The following ACBD6 variants were observed in gnomAD, a reference collection of about 807,000 sequenced individuals.
ACBD6 encodes the protein acyl-CoA-binding domain-containing protein 6.
In ACBD6, 28 loss-of-function variants were observed where a neutral mutation model predicts 37.2. That is an observed-to-expected ratio of 0.75 (90% CI 0.56 to 1.03). The LOEUF (loss-of-function observed/expected upper bound fraction) is 1.03. ACBD6 is among the 50% of genes least tolerant of loss of function. The pLI, the probability that ACBD6 is intolerant of heterozygous loss-of-function variation, is 0.00. For synonymous variants in ACBD6, 113 were observed against 126.8 expected, an observed-to-expected ratio of 0.89 and a Z score of 0.73; for missense variants, 340 against 337.4, an observed-to-expected ratio of 1.01 and a Z score of -0.06.
At chr1:180,283,999 A>C (rs1322829673), downstream of ACBD6, among the ~76,000 whole-genome samples, 12 of 152,222 alleles carry the variant, frequency 7.9e-5, no homozygotes, top group Admixed American at 7.9e-4. Flanking sequence ...TAAGCCGTGA[A>C]TTCCCAATAA....
intron 9 of ACBD6, among the ~76,000 whole-genome samples, chr1:180,281,094 G>A (rs186066044): frequency 7.1e-4 from 108 of 152,252 alleles, no homozygotes; most frequent in African/African-American, 2.5e-3. Context: ...TGCTAACCTA[G>A]TAATAACTTT....
intron 3 of ACBD6, among the ~76,000 whole-genome samples, chr1:180,491,766 C>A (rs1209030702): frequency 6.6e-6 from 1 of 152,158 alleles, no homozygotes; most frequent in East Asian, 1.9e-4. Context: ...GAGAAGTTCT[C>A]AGCATCAGTA....
intron 6 of ACBD6, among the ~76,000 whole-genome samples, chr1:180,392,896 TAAAAC>T (rs1280354301): frequency 9.2e-6 from 1 of 108,760 alleles, no homozygotes; most frequent in Non-Finnish European, 2.4e-5. Context: ...CTGTACCACT[TAAAAC>T]AAAATGTTTT....
intron 6 of ACBD6, among the ~76,000 whole-genome samples, chr1:180,380,166 C>T (rs532691891): frequency 1.3e-5 from 2 of 152,198 alleles, no homozygotes; most frequent in African/African-American, 4.8e-5. Flanking sequence ...GAGGCTGAGG[C>T]AAGAAGATTG....
At chr1:180,288,726 G>A (rs1649584192) in intron 7 of ACBD6, among the ~76,000 whole-genome samples, 1 of 152,102 alleles carries the variant, frequency 6.6e-6, no homozygotes, top group Non-Finnish European at 1.5e-5. Flanking sequence ...TACCTTTTTG[G>A]TTGTCTAGGA....
chr1:180,489,577 C>T lies in ACBD6; in HGVS notation c.384+2692G>A, dbSNP rs184655173. Among the ~76,000 whole-genome samples the T allele has an allele frequency of 2.1e-3, 323 of 150,978 alleles. 2 individuals are homozygous for T. Among genetic ancestry groups the T allele is most frequent in the Non-Finnish European group, 3.4e-3 (234 of 67,844 alleles). ...GAATATGAAAGTGCCTTTGGTTCTGCTTGGTTTACTCAAGTGTATGTTCAA... is the reference window on the plus strand; with the variant it reads ...GAATATGAAAGTGCCTTTGGTTCTGTTTGGTTTACTCAAGTGTATGTTCAA... On this transcript the variant is annotated intron_variant, in intron 3 of 7. Coordinates refer to ENST00000367595, the MANE Select transcript of ACBD6 (RefSeq NM_032360.4).
intron 3 of ACBD6, chr1:180,435,492 C>T: frequency 7.2e-6 from 4 of 558,442 alleles, no homozygotes; most frequent in Non-Finnish European, 1.3e-5. Flanking sequence ...ACCTCGTGAT[C>T]CGCCCGCCTT....
At chr1:180,452,491 T>C (rs968524157) in intron 3 of ACBD6, among the ~76,000 whole-genome samples, 3 of 150,774 alleles carry the variant, frequency 2.0e-5, no homozygotes, top group Non-Finnish European at 3.0e-5. Flanking sequence ...ATAATAATAA[T>C]AATAATAATA....
chr1:180,460,143 C>A (rs1650083279), intron 3 of ACBD6, among the ~76,000 whole-genome samples: 1 of 151,106 alleles, frequency 6.6e-6, no homozygotes, highest in African/African-American at 2.4e-5. Flanking sequence ...CCCCCTACCC[C>A]ACAGTAGGCC....
At chr1:180,330,155 T>C (rs940048262) in intron 6 of ACBD6, among the ~76,000 whole-genome samples, 18 of 152,298 alleles carry the variant, frequency 1.2e-4, no homozygotes, top group African/African-American at 4.1e-4. Context: ...CTCATGACTC[T>C]AATTCTAGTA....
intron 6 of ACBD6, among the ~76,000 whole-genome samples, chr1:180,354,882 G>A (rs936255739): frequency 6.6e-5 from 10 of 152,098 alleles, no homozygotes; most frequent in African/African-American, 2.2e-4. Flanking sequence ...AATAAAACAC[G>A]TCCTCCAAGT....
At chr1:180,487,674 G>C (rs1651324765) in intron 3 of ACBD6, among the ~76,000 whole-genome samples, 1 of 152,050 alleles carries the variant, frequency 6.6e-6, no homozygotes, top group Non-Finnish European at 1.5e-5. Context: ...AGGTGAAAAG[G>C]TAAAAGTTCT....
chr1:180,298,843 A>G (rs1650018443), intron 7 of ACBD6, among the ~76,000 whole-genome samples: 1 of 152,230 alleles, frequency 6.6e-6, no homozygotes, highest in South Asian at 2.1e-4. Flanking sequence ...AGGAAGTTAT[A>G]TAGATAAAAA....
chr1:180,483,576 A>C (rs926830885), intron 3 of ACBD6, among the ~76,000 whole-genome samples: 2 of 152,192 alleles, frequency 1.3e-5, no homozygotes, highest in African/African-American at 4.8e-5. Context: ...TAAATGACTG[A>C]CTAGTATCAA....
intron 7 of ACBD6, among the ~76,000 whole-genome samples, chr1:180,306,727 G>T (rs1571340889): frequency 6.6e-6 from 1 of 152,256 alleles, no homozygotes; most frequent in South Asian, 2.1e-4. Context: ...GAATCTGAAG[G>T]TCCCAATGTT....
chr1:180,479,427 T>C (rs763815940), intron 3 of ACBD6, among the ~76,000 whole-genome samples: 5 of 152,076 alleles, frequency 3.3e-5, no homozygotes, highest in African/African-American at 4.8e-5. Context: ...CATTTATATA[T>C]ATGAGCTAAA....
chr1:180,318,874 T>TA (rs943323314), intron 6 of ACBD6, among the ~76,000 whole-genome samples: 4 of 152,240 alleles, frequency 2.6e-5, no homozygotes, highest in African/African-American at 7.2e-5. Context: ...TTTGTTTATT[T>TA]AAAAAACTAT....
chr1:180,456,019 G>A (rs760430792), intron 3 of ACBD6, among the ~76,000 whole-genome samples: 4 of 151,774 alleles, frequency 2.6e-5, no homozygotes, highest in Admixed American at 6.6e-5. Flanking sequence ...GAGACCAGCC[G>A]GGCCAACATG....
At chr1:180,480,870 A>G (rs1343516057) in intron 3 of ACBD6, among the ~76,000 whole-genome samples, 2 of 152,072 alleles carry the variant, frequency 1.3e-5, no homozygotes, top group Non-Finnish European at 1.5e-5. Flanking sequence ...GTCTCTACTG[A>G]AAATACAAAA....
Sources: gnomAD v4.1 joint callset for allele counts (sites outside exome capture counted in the v4.1 genomes callset) on GRCh38, gnomAD v4.1.1 for gene constraint, MANE v1.5 for transcripts, NCBI Gene and HGNC (gene_info 2026-07-23, HGNC 2026-07-21) for gene names.